CDH12: variants seen among roughly 807,000 people sequenced by gnomAD.
CDH12 encodes the protein cadherin 12.
In CDH12, 41 loss-of-function variants were observed where a neutral mutation model predicts 74.1. The observed-to-expected ratio is 0.55, with a 90% CI of 0.43 to 0.72. The LOEUF is 0.72. CDH12 is among the 30% of genes least tolerant of loss of function. The pLI is 0.00. For missense variants in CDH12, 945 were observed against 977.2 expected (o/e 0.97, Z 0.44); for synonymous variants, 399 against 355.0 (o/e 1.12, Z -1.39).
At chr5:22,452,767 T>C (rs556154638) in intron 2 of CDH12, among the ~76,000 whole-genome samples, 3 of 145,782 alleles carry the variant, frequency 2.1e-5, no homozygotes, top group Non-Finnish European at 4.5e-5. Context: ...GAGGAAACAA[T>C]CAACAGAGCA....
chr5:21,981,103 A>G (rs1229358287), intron 5 of CDH12, among the ~76,000 whole-genome samples: 2 of 152,222 alleles, frequency 1.3e-5, no homozygotes, highest in Admixed American at 6.6e-5. Context: ...TAAATGTTAT[A>G]GTAGTTCTTT....
intron 3 of CDH12, among the ~76,000 whole-genome samples, chr5:22,373,968 T>A (rs1015536868): frequency 2.0e-5 from 3 of 152,088 alleles, no homozygotes; most frequent in Non-Finnish European, 4.4e-5. Context: ...AAATCCTGAA[T>A]AAATAATTCA....
intron 1 of CDH12, among the ~76,000 whole-genome samples, chr5:22,681,579 G>C (rs1002812286): frequency 1.3e-5 from 2 of 151,946 alleles, no homozygotes; most frequent in African/African-American, 4.8e-5. Context: ...ACTATAAAAG[G>C]AGCAATTTGT....
chr5:22,774,427 T>C (rs1746980379), intron 1 of CDH12, among the ~76,000 whole-genome samples: 1 of 152,090 alleles, frequency 6.6e-6, no homozygotes, highest in South Asian at 2.1e-4. Context: ...AAACATTGGG[T>C]ACACACGTGA....
chr5:22,233,723 T>C (rs1250711834), intron 3 of CDH12, among the ~76,000 whole-genome samples: 2 of 152,152 alleles, frequency 1.3e-5, no homozygotes, highest in Admixed American at 6.6e-5. Context: ...TTTTTGATAG[T>C]GAATGATATA....
chr5:22,356,685 G>A (rs534016619), intron 3 of CDH12, among the ~76,000 whole-genome samples: 1 of 152,234 alleles, frequency 6.6e-6, no homozygotes, highest in South Asian at 2.1e-4. Flanking sequence ...GCTGAACCAT[G>A]ATTAACTCCA....
chr5:21,932,804 C>T (rs1378530582), intron 6 of CDH12, among the ~76,000 whole-genome samples: 2 of 150,558 alleles, frequency 1.3e-5, no homozygotes, highest in Non-Finnish European at 3.0e-5. Flanking sequence ...CAGAGCAAGA[C>T]TCCATCTCAA....
rs577087857 is a variant in CDH12 at position 22,014,221 on chromosome 5, A to C, written c.232-38836T>G. Among the ~76,000 whole-genome samples the C allele has an allele frequency of 2.0e-5, 3 of 152,128 alleles. No individual in the cohort carries two copies. In the East Asian group the frequency reaches 5.8e-4, roughly 29 times the overall value. ...CATCCAGCCTGGGTGACAGAGCAAG[A>C]CTCCTCCGTCTCAAAAAGCAACAAC... On this transcript the variant is annotated intron_variant, in intron 5 of 14. Transcript: ENST00000382254.
At chr5:22,095,846 G>A (rs373095568) in intron 4 of CDH12, among the ~76,000 whole-genome samples, 80 of 144,120 alleles carry the variant, frequency 5.6e-4, no homozygotes, top group East Asian at 1.4e-3. Flanking sequence ...TTATCTCTGC[G>A]CCCCGATCCC....
intron 3 of CDH12, among the ~76,000 whole-genome samples, chr5:22,392,655 T>TG (rs1742293676): frequency 6.6e-6 from 1 of 152,218 alleles, no homozygotes; most frequent in African/African-American, 2.4e-5. Context: ...CAAGTCATTA[T>TG]TGACCAAAGA....
chr5:22,522,840 C>CTTT (rs1439812016), intron 1 of CDH12, among the ~76,000 whole-genome samples: 2 of 152,160 alleles, frequency 1.3e-5, no homozygotes, highest in African/African-American at 2.4e-5. Context: ...CACCTACAAA[C>CTTT]ATGCATGGGT....
At chr5:22,452,248 A>T (rs1205878143) in intron 2 of CDH12, among the ~76,000 whole-genome samples, 1 of 152,010 alleles carries the variant, frequency 6.6e-6, no homozygotes, top group Non-Finnish European at 1.5e-5. Flanking sequence ...ACCACAAAAT[A>T]TCACAAGGAA....
intron 4 of CDH12, among the ~76,000 whole-genome samples, chr5:22,160,060 C>A (rs1341519618): frequency 6.6e-6 from 1 of 152,064 alleles, no homozygotes; most frequent in Non-Finnish European, 1.5e-5. Context: ...CTATCTATTG[C>A]AATATACGTT....
At chr5:22,783,903 C>CT (rs1378584237) in intron 1 of CDH12, among the ~76,000 whole-genome samples, 3 of 152,102 alleles carry the variant, frequency 2.0e-5, no homozygotes, top group Admixed American at 2.0e-4. Flanking sequence ...CTCCTCCCTG[C>CT]TTTTTTTCCC....
intron 3 of CDH12, among the ~76,000 whole-genome samples, chr5:22,396,524 G>C (rs1041426499): frequency 2.0e-5 from 3 of 152,124 alleles, no homozygotes; most frequent in African/African-American, 7.2e-5. Flanking sequence ...GGGATTAGCA[G>C]GTGACTGATA....
At chr5:22,246,661 G>T (rs545581806) in intron 3 of CDH12, among the ~76,000 whole-genome samples, 1 of 152,060 alleles carries the variant, frequency 6.6e-6, no homozygotes, top group Non-Finnish European at 1.5e-5. Flanking sequence ...GGCTAATTAC[G>T]TAATTCCTTA....
At chr5:22,291,594 T>A (rs1201208092) in intron 3 of CDH12, among the ~76,000 whole-genome samples, 1 of 152,012 alleles carries the variant, frequency 6.6e-6, no homozygotes. Flanking sequence ...AAGAAACCAA[T>A]CCTATTTACA....
intron 1 of CDH12, among the ~76,000 whole-genome samples, chr5:22,707,035 A>C (rs1324978625): frequency 6.6e-6 from 1 of 152,128 alleles, no homozygotes; most frequent in African/African-American, 2.4e-5. Context: ...TTTCTTCAGC[A>C]GGGTCCCATT....
intron 5 of CDH12, among the ~76,000 whole-genome samples, chr5:22,065,441 T>C (rs1580193979): frequency 6.6e-6 from 1 of 152,040 alleles, no homozygotes; most frequent in Non-Finnish European, 1.5e-5. Flanking sequence ...GAGTGAGAAA[T>C]AACTTGTGTT....
Sources: gnomAD v4.1 joint callset for allele counts (sites outside exome capture counted in the v4.1 genomes callset) on GRCh38, gnomAD v4.1.1 for gene constraint, MANE v1.5 for transcripts, NCBI Gene and HGNC (gene_info 2026-07-23, HGNC 2026-07-21) for gene names.